The following FKBP1A variants were observed in gnomAD, a reference collection of about 807,000 sequenced individuals.
The protein encoded by FKBP1A is FKBP prolyl isomerase 1A.
A neutral mutation model predicts 14.2 loss-of-function variants in FKBP1A; 5 were observed. The ratio of observed to expected loss-of-function variants is 0.35; its 90% CI spans 0.18 to 0.74. The LOEUF is 0.74. FKBP1A is among the 30% of genes least tolerant of loss of function. The pLI, the probability that FKBP1A is intolerant of heterozygous loss-of-function variation, is 0.56. For synonymous variants in FKBP1A, 42 were observed against 49.1 expected (o/e 0.86, Z 0.60); for missense variants, 53 against 138.8 (o/e 0.38, Z 3.10).
intron 3 of FKBP1A, among the ~76,000 whole-genome samples, chr20:1,372,648 T>TA (rs986133068): frequency 2.0e-5 from 3 of 152,318 alleles, no homozygotes; most frequent in South Asian, 2.1e-4. Flanking sequence ...AACTTTGCTT[T>TA]AAAAAAATAT....
chr20:1,389,813 G>C (rs1456681245), intron 2 of FKBP1A, among the ~76,000 whole-genome samples: 2 of 152,228 alleles, frequency 1.3e-5, no homozygotes, highest in African/African-American at 4.8e-5. Context: ...GAAGCTACTG[G>C]AGGCAGCAGG....
In FKBP1A at chr20:1,372,367, T is replaced by G. The variant is rs62187548; in HGVS notation, c.199-127A>C. ...ATTGACTTTCCAGTGACTTTGCAGC[T>G]GCCCAGGCATCACCACCTCCTTGTG... On this transcript the variant is annotated intron_variant, in intron 3 of 4. Transcript: ENST00000400137. 3,860 of 930,476 alleles carry G rather than the reference T, an allele frequency of 4.1e-3. 10 individuals carry two copies. Among genetic ancestry groups the G allele is most frequent in the Non-Finnish European group, 5.4e-3 (3,253 of 603,340 alleles). The allele number at this position is 930,476 out of a possible 1,614,324, so 57.6% of individuals were successfully genotyped here. A position where few individuals can be genotyped will look rare whatever the true frequency, so the allele number is the denominator to read the frequency against.
chr20:1,370,807 C>T, intron 4 of FKBP1A: 1 of 985,316 alleles, frequency 1.0e-6, no homozygotes, highest in Non-Finnish European at 1.2e-6. Flanking sequence ...CCCTCGAGTA[C>T]AGTTATGTTC....
At chr20:1,373,909 CTT>C (rs1295811157) in intron 3 of FKBP1A, among the ~76,000 whole-genome samples, 36 of 152,232 alleles carry the variant, frequency 2.4e-4, no homozygotes, top group African/African-American at 7.7e-4. Context: ...TACAAAGCCT[CTT>C]CCTCACACTG....
At chr20:1,382,752 G>A (rs532090640) in intron 2 of FKBP1A, among the ~76,000 whole-genome samples, 47 of 152,268 alleles carry the variant, frequency 3.1e-4, no homozygotes, top group Non-Finnish European at 6.0e-4. Context: ...GTGAAAATGT[G>A]CTCCAGTTAA....
At chr20:1,381,754 A>G (rs2089618572) in intron 2 of FKBP1A, among the ~76,000 whole-genome samples, 1 of 152,228 alleles carries the variant, frequency 6.6e-6, no homozygotes, top group African/African-American at 2.4e-5. Flanking sequence ...GGAACAAACA[A>G]TTGATACATG....
intron 2 of FKBP1A, among the ~76,000 whole-genome samples, chr20:1,381,419 TAA>T (rs2089615370): frequency 6.6e-6 from 1 of 152,134 alleles, no homozygotes; most frequent in South Asian, 2.1e-4. Flanking sequence ...TGAGTAAAGC[TAA>T]AAAGACTGAC....
At chr20:1,390,374 G>A (rs1463522410) in intron 2 of FKBP1A, among the ~76,000 whole-genome samples, 2 of 132,220 alleles carry the variant, frequency 1.5e-5, no homozygotes, top group Admixed American at 7.8e-5. Flanking sequence ...GAGGGGGGAC[G>A]GGGGAGCATG....
intron 2 of FKBP1A, chr20:1,378,755 T>C (rs2089582825): frequency 6.6e-6 from 1 of 152,236 alleles, no homozygotes; most frequent in African/African-American, 2.4e-5. Context: ...TTCAGTTACC[T>C]GCAGCCAAAT....
chr20:1,373,868 T>C (rs1023006044), intron 3 of FKBP1A, among the ~76,000 whole-genome samples: 2 of 152,304 alleles, frequency 1.3e-5, no homozygotes, highest in East Asian at 1.9e-4. Flanking sequence ...CAAAAAGCTA[T>C]GGTTGGCAAG....
At chr20:1,389,939 T>C (rs1421182630) in intron 2 of FKBP1A, among the ~76,000 whole-genome samples, 1 of 152,174 alleles carries the variant, frequency 6.6e-6, no homozygotes, top group African/African-American at 2.4e-5. Flanking sequence ...TAGCTGGTGA[T>C]AGTGAACTTT....
intron 3 of FKBP1A, among the ~76,000 whole-genome samples, chr20:1,374,021 A>G (rs1451592462): frequency 6.6e-6 from 1 of 152,234 alleles, no homozygotes; most frequent in East Asian, 1.9e-4. Flanking sequence ...TAAATCAGTG[A>G]TATTTTATAG....
intron 2 of FKBP1A, among the ~76,000 whole-genome samples, chr20:1,380,062 A>C (rs1381935621): frequency 1.3e-5 from 2 of 152,146 alleles, no homozygotes; most frequent in African/African-American, 4.8e-5. Flanking sequence ...GAAACAACCA[A>C]CAACCAACCA....
chr20:1,375,749 C>G, intron 2 of FKBP1A, 146 bp from the exon 3 acceptor site: 2 of 669,030 alleles, frequency 3.0e-6, no homozygotes, highest in South Asian at 3.5e-5. Flanking sequence ...TGTGACCTCA[C>G]TGGACATCTA....
chr20:1,376,349 G>C (rs2089543720), intron 2 of FKBP1A, among the ~76,000 whole-genome samples: 1 of 152,216 alleles, frequency 6.6e-6, no homozygotes, highest in South Asian at 2.1e-4. Flanking sequence ...GGCTGAAATA[G>C]AGAAATGAAA....
At position 1,379,733 on chromosome 20, in the gene FKBP1A, A is replaced by G. The variant is rs80245217; in HGVS notation, c.86-4130T>C. 4.7e-3 allele frequency among the ~76,000 whole-genome samples: 717 copies of G among 152,252 alleles called. 5 individuals carry two copies. The highest frequency in any genetic ancestry group is 0.016 in the African/African-American group (666 of 41,550). ...ATGTTGGGGTTCCTTGAGTCCAAGG[A>G]GAGGATTTCCCATAATCGAGTCCGA... On this transcript the variant is annotated intron_variant, in intron 2 of 4. Transcript: ENST00000400137. The surrounding 1 kb of genome is among the most constrained non-coding windows in gnomAD (Gnocchi z 4.3).
intron 2 of FKBP1A, chr20:1,378,121 A>G (rs1414966463): frequency 6.6e-6 from 1 of 152,112 alleles, no homozygotes; most frequent in Non-Finnish European, 1.5e-5. Flanking sequence ...TCATTAGTAA[A>G]AAGAAAAACA....
chr20:1,380,075 C>G (rs911413607), intron 2 of FKBP1A, among the ~76,000 whole-genome samples: 2 of 152,088 alleles, frequency 1.3e-5, no homozygotes, highest in African/African-American at 4.8e-5. Context: ...ACCAACCAAC[C>G]AACCCCTTCC....
In FKBP1A at chr20:1,375,923, C is replaced by T. The variant is rs1010395333; in HGVS notation, c.86-320G>A. Among the ~76,000 whole-genome samples, 7 of 152,120 alleles carry T rather than the reference C, an allele frequency of 4.6e-5. 1 individual carries two copies. Among genetic ancestry groups the T allele is most frequent in the Admixed American group, 2.0e-4 (3 of 15,280 alleles). Reference sequence around the variant, plus strand: ...TCCTGCCCTGACTCTCCCAGCACCCCGTGGATTTTCTCCCCAGCTAAAAAT... The same window carrying T: ...TCCTGCCCTGACTCTCCCAGCACCCTGTGGATTTTCTCCCCAGCTAAAAAT... On this transcript the variant is annotated intron_variant, in intron 2 of 4. Coordinates refer to ENST00000400137, the MANE Select transcript of FKBP1A (RefSeq NM_000801.5).
Sources: gnomAD v4.1 joint callset for allele counts (sites outside exome capture counted in the v4.1 genomes callset) on GRCh38, gnomAD v4.1.1 for gene constraint, Gnocchi (gnomAD v3.1) non-coding constraint, MANE v1.5 for transcripts, NCBI Gene and HGNC (gene_info 2026-07-23, HGNC 2026-07-21) for gene names.